Variants in GSE1 observed in about 807,000 individuals in gnomAD.
GSE1 encodes the protein Gse1 coiled-coil protein.
In GSE1, 32 loss-of-function variants were observed where a neutral mutation model predicts 112.6. The ratio of observed to expected loss-of-function variants is 0.28; its 90% CI spans 0.21 to 0.38. The LOEUF is 0.38. Ranked by LOEUF, GSE1 falls within the 10% of genes least tolerant of loss-of-function variation. The pLI is 1.00. For synonymous variants in GSE1, 1,115 were observed against 735.6 expected (o/e 1.52, Z -8.35); for missense variants, 2,348 against 1,699.2 (o/e 1.38, Z -6.71).
intron 2 of GSE1, among the ~76,000 whole-genome samples, chr16:85,393,539 G>A (rs2047895950): frequency 6.6e-6 from 1 of 152,238 alleles, no homozygotes; most frequent in South Asian, 2.1e-4. Context: ...CTGAAGGGGT[G>A]TGGAAGCAGC....
chr16:85,519,004 C>G (rs1296547491), intron 2 of GSE1, among the ~76,000 whole-genome samples: 1 of 152,174 alleles, frequency 6.6e-6, no homozygotes, highest in Non-Finnish European at 1.5e-5. Context: ...TGCCTCGGTT[C>G]AGATCCCAGC....
chr16:85,258,624 C>A (rs1328935707), intron 1 of GSE1, among the ~76,000 whole-genome samples: 1 of 152,136 alleles, frequency 6.6e-6, no homozygotes, highest in Non-Finnish European at 1.5e-5. Flanking sequence ...AGCGAGAGCC[C>A]CTTCTCCGCC....
At chr16:85,381,255 G>A (rs1330357134) in intron 2 of GSE1, among the ~76,000 whole-genome samples, 1 of 152,200 alleles carries the variant, frequency 6.6e-6, no homozygotes, top group African/African-American at 2.4e-5. Context: ...GTGTCTTCCA[G>A]GTTCATCCAC....
At position 85,175,729 on chromosome 16, in the gene GSE1, C is replaced by A. The variant is rs531843433; in HGVS notation, c.2283+3922C>A. Among the ~76,000 whole-genome samples the A allele has an allele frequency of 5.3e-5, 8 of 152,298 alleles. No homozygotes were observed. In the East Asian group the frequency reaches 1.2e-3, roughly 22 times the overall value. On this transcript the variant is annotated intron_variant, in intron 1 of 2. Transcript: ENST00000637419. Reference sequence around the variant, plus strand: ...GGCGGCATTTGGGGACGTGATAATGCGGGTGATAACCATTATGGAGTGCTT... The same window carrying A: ...GGCGGCATTTGGGGACGTGATAATGAGGGTGATAACCATTATGGAGTGCTT...
At chr16:85,246,456 CA>C (rs1488405557) in intron 1 of GSE1, among the ~76,000 whole-genome samples, 4 of 128,366 alleles carry the variant, frequency 3.1e-5, no homozygotes, top group Admixed American at 7.5e-5. Flanking sequence ...CACACACACA[CA>C]CACCCCACAC....
intron 2 of GSE1, among the ~76,000 whole-genome samples, chr16:85,425,505 G>C (rs1322575497): frequency 6.6e-6 from 1 of 152,162 alleles, no homozygotes; most frequent in African/African-American, 2.4e-5. Context: ...TCTTGTGGTG[G>C]CAAAAAGGGG....
At chr16:85,597,171 G>A (rs1016887148) in intron 1 of GSE1, among the ~76,000 whole-genome samples, 1 of 151,770 alleles carries the variant, frequency 6.6e-6, no homozygotes, top group African/African-American at 2.4e-5. Flanking sequence ...TAGAGAAGGG[G>A]TTTCGCCATG....
At chr16:85,562,215 T>G (rs879315564) in intron 1 of GSE1, among the ~76,000 whole-genome samples, 4 of 152,180 alleles carry the variant, frequency 2.6e-5, no homozygotes, top group South Asian at 2.1e-4. Context: ...ATCTAGCACT[T>G]TCCAGGCAGT....
chr16:85,388,320 A>ATGTATGGCTGGGTAGATGGGTGAG (rs1567728683), intron 2 of GSE1, among the ~76,000 whole-genome samples: 1 of 80,098 alleles, frequency 1.2e-5, no homozygotes, highest in African/African-American at 5.1e-5. Context: ...GGATGGATGG[A>ATGTATGGCTGGGTAGATGGGTGAG]TGGATGGATG....
intron 1 of GSE1, among the ~76,000 whole-genome samples, chr16:85,275,692 G>A (rs560742476): frequency 6.6e-6 from 1 of 152,352 alleles, no homozygotes; most frequent in African/African-American, 2.4e-5. Flanking sequence ...CCCAGGGACT[G>A]AATAGGGGCC....
intron 2 of GSE1, among the ~76,000 whole-genome samples, chr16:85,528,234 T>C (rs933501839): frequency 2.0e-5 from 3 of 152,194 alleles, no homozygotes; most frequent in Non-Finnish European, 4.4e-5. Flanking sequence ...ATGTGTTAGG[T>C]TGGATGTTGA....
intron 2 of GSE1, among the ~76,000 whole-genome samples, chr16:85,368,197 G>A (rs752597012): frequency 1.3e-5 from 2 of 152,164 alleles, no homozygotes; most frequent in Admixed American, 6.5e-5. Flanking sequence ...AGTTTCCTGG[G>A]TCAAGAGCTG....
At chr16:85,350,760 G>A (rs1332444182) in intron 1 of GSE1, among the ~76,000 whole-genome samples, 1 of 152,182 alleles carries the variant, frequency 6.6e-6, no homozygotes, top group African/African-American at 2.4e-5. Context: ...TCCTCTTGGA[G>A]GTAGGCACTG....
chr16:85,378,734 G>A (rs1398526470), intron 2 of GSE1, among the ~76,000 whole-genome samples: 1 of 152,168 alleles, frequency 6.6e-6, no homozygotes, highest in African/African-American at 2.4e-5. Context: ...GAGTCTCTGG[G>A]CAGTGCCAGG....
At chr16:85,645,422 C>T (rs1039669491) in intron 2 of GSE1, among the ~76,000 whole-genome samples, 4 of 152,150 alleles carry the variant, frequency 2.6e-5, no homozygotes, top group East Asian at 1.9e-4. Flanking sequence ...GTGCAGGTTG[C>T]ACACAAGCCC....
chr16:85,664,690 C>A (rs1379282441), intron 11 of GSE1: 1 of 232,432 alleles, frequency 4.3e-6, no homozygotes, highest in Non-Finnish European at 8.6e-6. Context: ...GTGTTGGGGC[C>A]ACCTTGTCTG....
intron 2 of GSE1, among the ~76,000 whole-genome samples, chr16:85,543,228 A>G (rs2044585247): frequency 6.6e-6 from 1 of 151,890 alleles, no homozygotes; most frequent in Non-Finnish European, 1.5e-5. Flanking sequence ...AAAAAAAAAA[A>G]AGTCTCCTTT....
chr16:85,354,678 C>G (rs574684356), intron 1 of GSE1, among the ~76,000 whole-genome samples: 1 of 152,364 alleles, frequency 6.6e-6, no homozygotes, highest in African/African-American at 2.4e-5. Flanking sequence ...CAGCCCATCC[C>G]CTGGGGGCTT....
upstream of GSE1, among the ~76,000 whole-genome samples, chr16:85,606,817 G>C (rs2047722444): frequency 6.6e-6 from 1 of 152,208 alleles, no homozygotes; most frequent in South Asian, 2.1e-4. Flanking sequence ...GGGTATGTGT[G>C]GGGGGTGCTC....
Sources: gnomAD v4.1 joint callset for allele counts (sites outside exome capture counted in the v4.1 genomes callset) on GRCh38, gnomAD v4.1.1 for gene constraint, MANE v1.5 for transcripts, NCBI Gene and HGNC (gene_info 2026-07-23, HGNC 2026-07-21) for gene names.